PCDHGB7: variants seen among roughly 807,000 people sequenced by gnomAD.
PCDHGB7 encodes the protein protocadherin gamma-B7.
In PCDHGB7, 37 loss-of-function variants were observed where a neutral mutation model predicts 61.4. The observed-to-expected ratio is 0.60, with a 90% CI of 0.46 to 0.79. The LOEUF (loss-of-function observed/expected upper bound fraction) is 0.79. Among genes scored for constraint, PCDHGB7 ranks in the 30% least tolerant of loss-of-function variants. The pLI is 0.00. For missense variants in PCDHGB7, 1,166 were observed against 1,202.5 expected (o/e 0.97, Z 0.45); for synonymous variants, 464 against 503.5 (o/e 0.92, Z 1.05).
chr5:141,478,106 G>A (rs1474192496), intron 1 of PCDHGB7: 1 of 1,613,928 alleles, frequency 6.2e-7, no homozygotes, highest in Non-Finnish European at 8.5e-7. Context: ...TACCCTCACT[G>A]TGTCAGTAAC....
chr5:141,470,622 A>G (rs1323376824), intron 1 of PCDHGB7, among the ~76,000 whole-genome samples: 6 of 152,336 alleles, frequency 3.9e-5, no homozygotes, highest in Admixed American at 6.5e-5. Flanking sequence ...CTTCATGCTT[A>G]GATAGGCCCC....
intron 1 of PCDHGB7, among the ~76,000 whole-genome samples, chr5:141,473,431 G>T (rs541546681): frequency 3.3e-5 from 5 of 152,148 alleles, no homozygotes; most frequent in Non-Finnish European, 7.3e-5. Flanking sequence ...CAGATACTTT[G>T]CTTATGCAAA....
intron 1 of PCDHGB7, among the ~76,000 whole-genome samples, chr5:141,453,574 G>T (rs1285296493): frequency 6.6e-6 from 1 of 152,084 alleles, no homozygotes; most frequent in Non-Finnish European, 1.5e-5. Context: ...TCATTAGTTT[G>T]TGGTTTATCC....
chr5:141,511,489 A>G lies in PCDHGB7; in HGVS notation c.*316A>G. 2.3e-6 allele frequency: 1 copy of G among 435,688 alleles called. No individual in the cohort carries two copies. Among genetic ancestry groups the G allele is most frequent in the Non-Finnish European group, 4.2e-6 (1 of 239,908 alleles). The allele number at this position is 435,688 out of a possible 1,614,324, so 27.0% of individuals were successfully genotyped here. ...CGTTTAGTTACAGCTGAACTCCTCC[A>G]TCTTCCAAATCAATCAGGCCCATCC... On this transcript the variant is annotated 3_prime_UTR_variant, in exon 4 of 4. Coordinates refer to ENST00000398594, the MANE Select transcript of PCDHGB7 (RefSeq NM_018927.4).
intron 1 of PCDHGB7, chr5:141,422,319 TAC>T: frequency 6.5e-7 from 1 of 1,548,220 alleles, no homozygotes; most frequent in Admixed American, 2.1e-5. Flanking sequence ...CTCCTCCAGG[TAC>T]AGTGATTGCT....
chr5:141,480,429 T>A (rs72790066), intron 1 of PCDHGB7, among the ~76,000 whole-genome samples: 9,317 of 151,926 alleles, frequency 0.061, 335 homozygotes, highest in South Asian at 0.12. Context: ...AAAAAAATTA[T>A]CAGCTATTAC....
rs61612330 is a variant in PCDHGB7 at position 141,454,796 on chromosome 5, A to ATTTTTTTTTTTTTTTT, written c.2415+34536_2415+34551dup. Among the ~76,000 whole-genome samples the ATTTTTTTTTTTTTTTT allele has an allele frequency of 1.2e-3, 96 of 77,456 alleles. 8 individuals are homozygous for ATTTTTTTTTTTTTTTT. The highest frequency in any genetic ancestry group is 2.0e-3 in the South Asian group (4 of 1,960). 50.8% of individuals were successfully genotyped at this position (77,456 alleles called of 152,430 possible). A position where few individuals can be genotyped will look rare whatever the true frequency, so the allele number is the denominator to read the frequency against. ...AAGGAAATAATCCTCCATGGTTCTA[A>ATTTTTTTTTTTTTTTT]TTTTTTTTTTTTTTTTTTTTTTTTT... On this transcript the variant is annotated intron_variant, in intron 1 of 3. Coordinates refer to ENST00000398594, the MANE Select transcript of PCDHGB7 (RefSeq NM_018927.4).
At chr5:141,467,987 A>G (rs888811899) in intron 1 of PCDHGB7, among the ~76,000 whole-genome samples, 10 of 152,216 alleles carry the variant, frequency 6.6e-5, no homozygotes, top group Non-Finnish European at 8.8e-5. Flanking sequence ...TCAGAAAACC[A>G]CAATTCTTTC....
In PCDHGB7 at chr5:141,490,267, G is replaced by A. The variant is rs765238578; in HGVS notation, c.2416-4540G>A. ...TGTGATTCAAGTGGATGTGGGGGAT[G>A]TCAATGACAATGCCCCAGAGGTGCT... On this transcript the variant is annotated intron_variant, in intron 1 of 3. Transcript: ENST00000398594. The surrounding 1 kb of genome is among the most constrained non-coding windows in gnomAD (Gnocchi z 5.4). The A allele has an allele frequency of 6.2e-7, 1 of 1,614,242 alleles. No homozygotes were observed. The highest frequency in any genetic ancestry group is 1.1e-5 in the South Asian group (1 of 91,084).
chr5:141,438,627 TATATATATACACAC>T (rs1407400493), intron 1 of PCDHGB7, among the ~76,000 whole-genome samples: 2,053 of 47,724 alleles, frequency 0.043, 22 homozygotes, highest in African/African-American at 0.13. Context: ...TATATATATA[TATATATATACACAC>T]ACACACACAC....
chr5:141,510,813 C>T, intron 3 of PCDHGB7, 134 bp from the exon 4 acceptor site: 1 of 1,537,024 alleles, frequency 6.5e-7, no homozygotes, highest in South Asian at 1.2e-5. Flanking sequence ...CTTGGTGACC[C>T]CTATATTCCC....
Position 141,490,480 on chromosome 5 carries a change from C to G in PCDHGB7, c.2416-4327C>G. On this transcript the variant is annotated intron_variant, in intron 1 of 3. Coordinates refer to ENST00000398594, the MANE Select transcript of PCDHGB7 (RefSeq NM_018927.4). This position sits in a 1 kb window ranked among gnomAD's most constrained non-coding sequence, Gnocchi z 5.4. The stretch of plus-strand genomic sequence containing the variant: ...GCTGCTAACCAGCCAGCCTTTGGAC[C>G]GGGAGGCCACATCCCACTATATCAT... 2.5e-6 allele frequency: 4 copies of G among 1,614,194 alleles called. No homozygotes were observed. The highest frequency in any genetic ancestry group is 3.4e-6 in the Non-Finnish European group (4 of 1,180,050).
At chr5:141,472,332 G>A (rs566731120) in intron 1 of PCDHGB7, among the ~76,000 whole-genome samples, 1 of 152,116 alleles carries the variant, frequency 6.6e-6, no homozygotes, top group East Asian at 1.9e-4. Flanking sequence ...ACGAGGTTGG[G>A]AGATCGAGAC....
intron 1 of PCDHGB7, among the ~76,000 whole-genome samples, chr5:141,454,357 TAGAA>T (rs758087339): frequency 3.5e-4 from 54 of 152,354 alleles, no homozygotes; most frequent in Non-Finnish European, 6.3e-4. Context: ...GATCCAAACT[TAGAA>T]AGGAGTATGG....
At position 141,432,319 on chromosome 5, in the gene PCDHGB7, C is replaced by A; in HGVS notation, c.2415+12045C>A. The A allele has an allele frequency of 6.2e-7, 1 of 1,614,264 alleles. No individual in the cohort carries two copies. Among genetic ancestry groups the A allele is most frequent in the South Asian group, 1.1e-5 (1 of 91,088 alleles). ...GGGTACTGTATGCGCTGAGCTCCTTCGACTACGAGCAGTTCCGAGACTTGC... is the reference window on the plus strand; with the variant it reads ...GGGTACTGTATGCGCTGAGCTCCTTAGACTACGAGCAGTTCCGAGACTTGC... On this transcript the variant is annotated intron_variant, in intron 1 of 3. Transcript: ENST00000398594. The surrounding 1 kb of genome is among the most constrained non-coding windows in gnomAD (Gnocchi z 6.0).
intron 1 of PCDHGB7, chr5:141,427,650 G>A (rs1352503291): frequency 1.4e-6 from 1 of 718,312 alleles, no homozygotes; most frequent in Admixed American, 2.0e-5. Flanking sequence ...AGTCTCCTAC[G>A]TGGTCCACGT....
chr5:141,433,389 A>G (rs1157605590), intron 1 of PCDHGB7, among the ~76,000 whole-genome samples: 2 of 151,108 alleles, frequency 1.3e-5, no homozygotes, highest in African/African-American at 2.4e-5. Context: ...CTATCTATCT[A>G]TCTATCTATC....
chr5:141,473,004 AAAAG>A (rs1215989598), intron 1 of PCDHGB7, among the ~76,000 whole-genome samples: 5 of 151,730 alleles, frequency 3.3e-5, no homozygotes, highest in Non-Finnish European at 7.4e-5. Context: ...AAAAGAAAGA[AAAAG>A]AAAAAGAAAG....
At chr5:141,430,781 C>G in intron 1 of PCDHGB7, 8 of 1,510,922 alleles carry the variant, frequency 5.3e-6, no homozygotes, top group Non-Finnish European at 7.1e-6. Context: ...GCGACTGCAC[C>G]GGGACTACAA....
Sources: gnomAD v4.1 joint callset for allele counts (sites outside exome capture counted in the v4.1 genomes callset) on GRCh38, gnomAD v4.1.1 for gene constraint, Gnocchi (gnomAD v3.1) non-coding constraint, MANE v1.5 for transcripts, NCBI Gene and HGNC (gene_info 2026-07-23, HGNC 2026-07-21) for gene names.